KANK4: variants seen among roughly 807,000 people sequenced by gnomAD.
KANK4 encodes KN motif and ankyrin repeat domain-containing protein 4.
A neutral mutation model predicts 80.8 loss-of-function variants in KANK4; 50 were observed. The ratio of observed to expected loss-of-function variants is 0.62; its 90% CI spans 0.49 to 0.78. KANK4 has a LOEUF of 0.78. Among genes scored for constraint, KANK4 ranks in the 30% least tolerant of loss-of-function variants. The pLI is 0.00. For synonymous variants in KANK4, 465 were observed against 506.9 expected, an observed-to-expected ratio of 0.92 and a Z score of 1.11; for missense variants, 1,196 against 1,240.1, an observed-to-expected ratio of 0.96 and a Z score of 0.53.
intron 9 of KANK4, 105 bp from the exon 10 acceptor site, chr1:62,238,486 C>T (rs905723675): frequency 1.2e-6 from 1 of 868,110 alleles, no homozygotes; most frequent in Non-Finnish European, 1.9e-6. Context: ...ACACAGGTGT[C>T]TATTAAGGCT....
intron 1 of KANK4, among the ~76,000 whole-genome samples, chr1:62,284,578 C>G (rs1310861997): frequency 6.6e-6 from 1 of 152,196 alleles, no homozygotes; most frequent in Non-Finnish European, 1.5e-5. Flanking sequence ...CTTGGCCTCC[C>G]AAAGTGCTGG....
At chr1:62,256,718 G>T (rs1671761160) in intron 7 of KANK4, among the ~76,000 whole-genome samples, 1 of 152,082 alleles carries the variant, frequency 6.6e-6, no homozygotes, top group South Asian at 2.1e-4. Flanking sequence ...TCAGAAGTGT[G>T]CCATGAAAAT....
chr1:62,274,210 G>A lies in KANK4; in HGVS notation c.894C>T (p.Leu298=). The A allele has an allele frequency of 6.2e-7, 1 of 1,614,138 alleles. No homozygotes were observed. The highest frequency in any genetic ancestry group is 8.5e-7 in the Non-Finnish European group (1 of 1,180,016). The change falls in exon 3 of 10, where the codon CTC becomes CTT. Residue 298 remains leucine, a synonymous_variant. Coordinates refer to ENST00000371153, the MANE Select transcript of KANK4 (RefSeq NM_181712.5). The part of the protein sequence containing the change: ...PLPSPIPENE[L]LLEEIELNIS... ...TGTTGAGCTCGATTTCTTCCAGGAG[G>A]AGCTCATTCTCAGGGATGGGTGATG...
rs542948102 is a variant in KANK4 at position 62,280,255 on chromosome 1, C to G, written c.16+1294G>C. 2.2e-4 allele frequency among the ~76,000 whole-genome samples: 34 copies of G among 152,294 alleles called. No homozygotes were observed. In the East Asian group the frequency reaches 5.0e-3, roughly 23 times the overall value. On this transcript the variant is annotated intron_variant, in intron 2 of 9. Transcript: ENST00000371153. ...CCTTCCCCTCTGGGAAGGCTTGTCC[C>G]TGTTCTGGGAGGCCCATGGCTGAAA... is the stretch of plus-strand genomic sequence containing the variant.
chr1:62,302,219 G>C (rs1234858117), intron 1 of KANK4, among the ~76,000 whole-genome samples: 1 of 151,972 alleles, frequency 6.6e-6, no homozygotes, highest in African/African-American at 2.4e-5. Flanking sequence ...GAGAGAAAGG[G>C]ACAGTAGCTC....
At chr1:62,277,577 A>G (rs59107355) in intron 2 of KANK4, among the ~76,000 whole-genome samples, 2,934 of 152,248 alleles carry the variant, frequency 0.019, 93 homozygotes, top group African/African-American at 0.068. Context: ...GGTCTCTTAC[A>G]ATGCACACTT....
intron 7 of KANK4, among the ~76,000 whole-genome samples, chr1:62,257,032 C>A (rs944510764): frequency 1.3e-5 from 2 of 152,154 alleles, no homozygotes; most frequent in Non-Finnish European, 1.5e-5. Context: ...AGGTCTGACA[C>A]CTGCTCAGGG....
chr1:62,315,592 AC>A (rs2149176309), intron 1 of KANK4, among the ~76,000 whole-genome samples: 1 of 152,216 alleles, frequency 6.6e-6, no homozygotes, highest in East Asian at 1.9e-4. Flanking sequence ...TTGTTCTCAA[AC>A]CCATTGTACA....
rs1003239661 is a variant in KANK4 at position 62,290,966 on chromosome 1, G to T, written c.-70-9332C>A. ...AGGGTTTCACCGTGTTAGCCAGAAT[G>T]GTCTCGATCTCTTGACTTCATGATC... On this transcript the variant is annotated intron_variant, in intron 1 of 9. Coordinates refer to ENST00000371153, the MANE Select transcript of KANK4 (RefSeq NM_181712.5). 6.6e-5 allele frequency among the ~76,000 whole-genome samples: 10 copies of T among 152,060 alleles called. No homozygotes were observed. In the South Asian group the frequency reaches 1.7e-3, roughly 25 times the overall value.
chr1:62,268,610 A>G, intron 4 of KANK4, 105 bp from the exon 5 acceptor site: 1 of 853,026 alleles, frequency 1.2e-6, no homozygotes, highest in Admixed American at 2.1e-5. Context: ...GCAGCTTGCT[A>G]ATCTCCTCCC....
chr1:62,301,113 C>T (rs983574335), intron 1 of KANK4, among the ~76,000 whole-genome samples: 3 of 151,988 alleles, frequency 2.0e-5, no homozygotes, highest in African/African-American at 7.2e-5. Flanking sequence ...CAGCATTGCC[C>T]AAAAGCATCT....
At chr1:62,308,897 C>T (rs1177913426) in intron 1 of KANK4, among the ~76,000 whole-genome samples, 1 of 152,168 alleles carries the variant, frequency 6.6e-6, no homozygotes, top group East Asian at 1.9e-4. Flanking sequence ...GGAGCAGGGT[C>T]CCCCTGACTT....
At chr1:62,283,402 G>A (rs547930651) in intron 1 of KANK4, among the ~76,000 whole-genome samples, 1 of 152,266 alleles carries the variant, frequency 6.6e-6, no homozygotes, top group South Asian at 2.1e-4. Context: ...AGTTGACAGG[G>A]CTGATCCATG....
chr1:62,303,589 G>A (rs1174175967), intron 1 of KANK4, among the ~76,000 whole-genome samples: 1 of 152,020 alleles, frequency 6.6e-6, no homozygotes, highest in Non-Finnish European at 1.5e-5. Context: ...CTACATGTTA[G>A]TGGCTAACTA....
chr1:62,249,521 G>A (rs543854053), intron 8 of KANK4, among the ~76,000 whole-genome samples: 12 of 150,048 alleles, frequency 8.0e-5, no homozygotes, highest in Non-Finnish European at 1.6e-4. Context: ...TGTGACCATA[G>A]GCATGTGCCA....
intron 1 of KANK4, among the ~76,000 whole-genome samples, chr1:62,293,062 TTG>T (rs5774593): frequency 0.04 from 5,851 of 146,620 alleles, 160 homozygotes; most frequent in Non-Finnish European, 0.055. Flanking sequence ...GTCTCAATCT[TTG>T]TGTGTGTGTG....
rs1644570161 is a variant in KANK4 at position 62,319,222 on chromosome 1, C to T, written c.-187G>A. 6.6e-6 allele frequency: 1 copy of T among 152,054 alleles called. No homozygotes were observed. The highest frequency in any genetic ancestry group is 1.5e-5 in the Non-Finnish European group (1 of 67,992). The allele number at this position is 152,054 out of a possible 1,614,324, so 9.4% of individuals were successfully genotyped here. On this transcript the variant is annotated 5_prime_UTR_variant, in exon 1 of 10. Coordinates refer to ENST00000371153, the MANE Select transcript of KANK4 (RefSeq NM_181712.5). ...ACCTCCGGGTGCACTGTCCGCGTCC[C>T]AGGCGCGCACCCCGGGGCTGGCGCA...
At chr1:62,312,789 C>T (rs17380555) in intron 1 of KANK4, among the ~76,000 whole-genome samples, 8 of 152,220 alleles carry the variant, frequency 5.3e-5, no homozygotes, top group African/African-American at 1.7e-4. Context: ...AAGAGAGCTT[C>T]GTGCAATCGT....
intron 1 of KANK4, among the ~76,000 whole-genome samples, chr1:62,295,303 G>A (rs1256625499): frequency 1.3e-5 from 2 of 152,120 alleles, no homozygotes; most frequent in African/African-American, 2.4e-5. Flanking sequence ...CACAAAGCCC[G>A]GCTAATTTTT....
Sources: gnomAD v4.1 joint callset for allele counts (sites outside exome capture counted in the v4.1 genomes callset) on GRCh38, gnomAD v4.1.1 for gene constraint, MANE v1.5 for transcripts, NCBI Gene and HGNC (gene_info 2026-07-23, HGNC 2026-07-21) for gene names.